PLXDC2: variants seen among roughly 807,000 people sequenced by gnomAD.
PLXDC2 encodes plexin domain containing 2.
Under a neutral mutation model 68.9 loss-of-function variants are expected in PLXDC2, and 40 were observed. The observed-to-expected ratio is 0.58, with a 90% CI of 0.45 to 0.76. The LOEUF (loss-of-function observed/expected upper bound fraction) is 0.76. PLXDC2 is among the 30% of genes least tolerant of loss of function. The probability of loss-of-function intolerance (pLI) is 0.00; values close to 1 mark genes in which losing one functional copy is unlikely to be tolerated. For synonymous variants in PLXDC2, 243 were observed against 234.2 expected (o/e 1.04, Z -0.34); for missense variants, 644 against 661.9 (o/e 0.97, Z 0.30).
chr10:20,027,288 T>C (rs2131664079), intron 2 of PLXDC2, among the ~76,000 whole-genome samples: 1 of 151,878 alleles, frequency 6.6e-6, no homozygotes, highest in East Asian at 1.9e-4. Flanking sequence ...TAATGGGAAG[T>C]GTTTAGTTTA....
At chr10:20,097,398 C>T (rs1833365133) in intron 4 of PLXDC2, among the ~76,000 whole-genome samples, 1 of 152,156 alleles carries the variant, frequency 6.6e-6, no homozygotes, top group South Asian at 2.1e-4. Flanking sequence ...AATATTCGGT[C>T]AGCCCTCATT....
intron 4 of PLXDC2, among the ~76,000 whole-genome samples, chr10:20,070,317 G>A (rs142011367): frequency 3.3e-5 from 5 of 152,190 alleles, no homozygotes; most frequent in Non-Finnish European, 7.3e-5. Flanking sequence ...AACTATTTGT[G>A]TGAAAAATAT....
rs565168814 is a variant in PLXDC2 at position 19,888,944 on chromosome 10, CT to C, written c.112+71755del. Among the ~76,000 whole-genome samples, 784 of 152,166 alleles carry C rather than the reference CT, an allele frequency of 5.2e-3. 3 individuals carry two copies. The highest frequency in any genetic ancestry group is 8.6e-3 in the Non-Finnish European group (585 of 67,994). Reference sequence around the variant, plus strand: ...GACTACCTCCAAAGGAATTTCAACTCTTATGAACATTAATTAAATACTTTGG... The same window carrying C: ...GACTACCTCCAAAGGAATTTCAACTCTATGAACATTAATTAAATACTTTGG... On this transcript the variant is annotated intron_variant, in intron 1 of 13. Transcript: ENST00000377252.
chr10:20,082,917 G>A lies in PLXDC2; in HGVS notation c.541+14678G>A, dbSNP rs182543691. 5.1e-3 allele frequency among the ~76,000 whole-genome samples: 772 copies of A among 151,664 alleles called. 3 individuals are homozygous for A. Among genetic ancestry groups the A allele is most frequent in the Non-Finnish European group, 8.7e-3 (591 of 67,996 alleles). On this transcript the variant is annotated intron_variant, in intron 4 of 13. Coordinates refer to ENST00000377252, the MANE Select transcript of PLXDC2 (RefSeq NM_032812.9). ...AAAAAACAGAACACCACAGGATGCA[G>A]ATAAATGTTACTTACATATATATGT...
chr10:19,918,376 G>T (rs911914644), intron 1 of PLXDC2, among the ~76,000 whole-genome samples: 1 of 152,134 alleles, frequency 6.6e-6, no homozygotes, highest in Non-Finnish European at 1.5e-5. Flanking sequence ...CCTAAGTGAC[G>T]AGAAGAACAG....
In PLXDC2 at chr10:20,284,077, C is replaced by T. The variant is rs183475762; in HGVS notation, c.*4258C>T. ...TCCACAGATCGCTTCAAGATGCTTTCGTTTATGATAGGAAATTAATATTTA... is the reference window on the plus strand; with the variant it reads ...TCCACAGATCGCTTCAAGATGCTTTTGTTTATGATAGGAAATTAATATTTA... On this transcript the variant is annotated 3_prime_UTR_variant, in exon 14 of 14. Transcript: ENST00000377252. 6.6e-5 allele frequency: 10 copies of T among 152,098 alleles called. No individual in the cohort carries two copies. Among genetic ancestry groups the T allele is most frequent in the South Asian group, 2.1e-4 (1 of 4,818 alleles). 9.4% of individuals were successfully genotyped at this position (152,098 alleles called of 1,614,324 possible).
intron 12 of PLXDC2, among the ~76,000 whole-genome samples, chr10:20,238,348 T>C (rs1312301035): frequency 6.6e-6 from 1 of 151,438 alleles, no homozygotes; most frequent in East Asian, 1.9e-4. Context: ...TAATGTATTT[T>C]AAAAATATGT....
chr10:20,162,624 T>C (rs1834320210), intron 6 of PLXDC2, among the ~76,000 whole-genome samples: 1 of 152,148 alleles, frequency 6.6e-6, no homozygotes, highest in African/African-American at 2.4e-5. Context: ...TCTTCTTGTA[T>C]GTTTTAACTG....
At position 20,177,406 on chromosome 10, in the gene PLXDC2, A is replaced by G; in HGVS notation, c.1058A>G (p.Gln353Arg). 1 of 1,497,130 alleles carries G rather than the reference A, an allele frequency of 6.7e-7. No homozygotes were observed. The highest frequency in any genetic ancestry group is 9.2e-7 in the Non-Finnish European group (1 of 1,084,866). 92.7% of individuals were successfully genotyped at this position (1,497,130 alleles called of 1,614,324 possible). The change falls in exon 9 of 14, where the codon CAA becomes CGA. Residue 353 changes from glutamine to arginine, a missense_variant. Transcript: ENST00000377252. ...AACTGCAGTTGGTGTAGTAAACTTC[A>G]AAGGTAAAAATATAATAATAAGAAT... Reference protein sequence around the residue: ...GFNCSWCSKLQRCSSGFDRHR... With the variant: ...GFNCSWCSKLRRCSSGFDRHR...
chr10:19,884,761 A>G (rs1837809967), intron 1 of PLXDC2, among the ~76,000 whole-genome samples: 1 of 152,174 alleles, frequency 6.6e-6, no homozygotes, highest in East Asian at 1.9e-4. Flanking sequence ...GTTGTTGGAC[A>G]TTTGGGTTGG....
chr10:20,203,287 G>T (rs1161687458), intron 9 of PLXDC2, among the ~76,000 whole-genome samples: 1 of 134,696 alleles, frequency 7.4e-6, no homozygotes, highest in African/African-American at 3.2e-5. Context: ...AGAGAAATAA[G>T]ATGAATTTTT....
chr10:20,041,330 A>T (rs879725349), intron 2 of PLXDC2, among the ~76,000 whole-genome samples: 4 of 152,204 alleles, frequency 2.6e-5, no homozygotes, highest in Non-Finnish European at 4.4e-5. Context: ...TCACAACTTT[A>T]TTCTCTGAGA....
At chr10:20,093,413 G>A (rs568170213) in intron 4 of PLXDC2, among the ~76,000 whole-genome samples, 6 of 151,776 alleles carry the variant, frequency 4.0e-5, no homozygotes, top group Non-Finnish European at 8.8e-5. Flanking sequence ...GTTTCTAATG[G>A]GCCAGCCATT....
chr10:20,031,148 G>A (rs1050093790), intron 2 of PLXDC2, among the ~76,000 whole-genome samples: 1 of 152,102 alleles, frequency 6.6e-6, no homozygotes, highest in African/African-American at 2.4e-5. Flanking sequence ...CAGAAGGACT[G>A]CTTGAGGCCA....
At chr10:19,927,733 A>AAAAAAC (rs1833562749) in intron 1 of PLXDC2, among the ~76,000 whole-genome samples, 1 of 150,882 alleles carries the variant, frequency 6.6e-6, no homozygotes, top group Non-Finnish European at 1.5e-5. Context: ...AAAAAAAAAA[A>AAAAAAC]AAAAAGCAAG....
chr10:20,205,040 C>T lies in PLXDC2; in HGVS notation c.1062-6629C>T, dbSNP rs1436318110. 3.3e-5 allele frequency among the ~76,000 whole-genome samples: 5 copies of T among 152,110 alleles called. 1 individual carries two copies. The South Asian group carries it at 6.2e-4, about 19-fold the overall frequency. On this transcript the variant is annotated intron_variant, in intron 9 of 13. Coordinates refer to ENST00000377252, the MANE Select transcript of PLXDC2 (RefSeq NM_032812.9). ...GTATCTTTTAACATTTACTCTATTT[C>T]CTACATAGGAATATATTACCCTTGC...
intron 6 of PLXDC2, among the ~76,000 whole-genome samples, chr10:20,153,182 T>C (rs1834173110): frequency 6.6e-6 from 1 of 152,154 alleles, no homozygotes; most frequent in African/African-American, 2.4e-5. Flanking sequence ...TATGAAATGA[T>C]TGATATAATA....
intron 9 of PLXDC2, among the ~76,000 whole-genome samples, chr10:20,205,547 TG>T (rs1320485560): frequency 1.3e-5 from 2 of 152,250 alleles, no homozygotes; most frequent in East Asian, 1.9e-4. Flanking sequence ...AGGGACTTTA[TG>T]TTATAAAACA....
chr10:20,091,631 G>T (rs1833277987), intron 4 of PLXDC2: 1 of 152,096 alleles, frequency 6.6e-6, no homozygotes, highest in Non-Finnish European at 1.5e-5. Flanking sequence ...ACATTTTTAA[G>T]TACTTCCAGG....
Sources: gnomAD v4.1 joint callset for allele counts (sites outside exome capture counted in the v4.1 genomes callset) on GRCh38, gnomAD v4.1.1 for gene constraint, MANE v1.5 for transcripts, NCBI Gene and HGNC (gene_info 2026-07-23, HGNC 2026-07-21) for gene names.